Variants in PRDM6 observed in about 807,000 individuals in gnomAD.
The protein encoded by PRDM6 is putative histone-lysine N-methyltransferase PRDM6.
In PRDM6, 25 loss-of-function variants were observed where a neutral mutation model predicts 60.8. The observed-to-expected ratio is 0.41, with a 90% CI of 0.30 to 0.57. The LOEUF is 0.57. Ranked by LOEUF, PRDM6 falls within the 20% of genes least tolerant of loss-of-function variation. PRDM6 has a pLI of 0.27. For synonymous variants in PRDM6, 407 were observed against 357.4 expected (o/e 1.14, Z -1.57); for missense variants, 839 against 821.3 (o/e 1.02, Z -0.26).
At chr5:123,131,111 CAT>C (rs901587931) in intron 3 of PRDM6, among the ~76,000 whole-genome samples, 5 of 152,096 alleles carry the variant, frequency 3.3e-5, no homozygotes, top group Admixed American at 2.0e-4. Flanking sequence ...TGTTCTCACT[CAT>C]ATGTGGGAGC....
chr5:123,177,660 T>C (rs1396323199), intron 6 of PRDM6, among the ~76,000 whole-genome samples: 1 of 152,182 alleles, frequency 6.6e-6, no homozygotes, highest in Non-Finnish European at 1.5e-5. Context: ...AGCTGACTTG[T>C]AGACATGATG....
At chr5:123,181,855 C>G (rs1053297739) in intron 7 of PRDM6, among the ~76,000 whole-genome samples, 1 of 152,200 alleles carries the variant, frequency 6.6e-6, no homozygotes, top group Admixed American at 6.5e-5. Context: ...CTGCCTTCCT[C>G]TCTGTCTGCC....
chr5:123,135,323 A>C (rs1046234950), intron 3 of PRDM6, among the ~76,000 whole-genome samples: 13 of 152,224 alleles, frequency 8.5e-5, no homozygotes. Context: ...AAGTAGTGGA[A>C]AATCTTTAAG....
Position 123,090,031 on chromosome 5 carries a change from AC to A in PRDM6, c.21del (p.Gly8AlafsTer37). The A allele has an allele frequency of 6.5e-7, 1 of 1,546,900 alleles. No individual in the cohort carries two copies. The highest frequency in any genetic ancestry group is 1.2e-5 in the South Asian group (1 of 83,988). On this transcript the variant is annotated frameshift_variant, in exon 2 of 8. Transcript: ENST00000407847. LOFTEE classifies it high-confidence loss of function. MLKPG[D>X]PGGSAFLKVD... is the part of the protein sequence containing the mutation. ...GCGCCGGACATGCTGAAGCCCGGAG[AC>A]CCCGGCGGTTCGGCCTTCCTCAAAG...
chr5:123,165,965 T>A (rs1369013193), intron 5 of PRDM6, among the ~76,000 whole-genome samples: 1 of 152,148 alleles, frequency 6.6e-6, no homozygotes, highest in Non-Finnish European at 1.5e-5. Context: ...CCAGAAACAT[T>A]TTCTATGGCC....
chr5:123,175,041 G>T (rs1765973708), intron 6 of PRDM6, among the ~76,000 whole-genome samples: 1 of 145,482 alleles, frequency 6.9e-6, no homozygotes, highest in Non-Finnish European at 1.5e-5. Flanking sequence ...TAAGCTTATT[G>T]CCTAGGCCAA....
rs532222399 is a variant in PRDM6 at position 123,192,808 on chromosome 5, T to C, written c.*5607T>C. 1 of 152,328 alleles carries C rather than the reference T, an allele frequency of 6.6e-6. No individual in the cohort carries two copies. Among genetic ancestry groups the C allele is most frequent in the South Asian group, 2.1e-4 (1 of 4,824 alleles). The allele number at this position is 152,328 out of a possible 1,614,324, so 9.4% of individuals were successfully genotyped here. ...CTGACTGAATGCTAAGTGAGTTACT[T>C]TCCAGGCATCAATGGAGTCATTACG... is the stretch of plus-strand genomic sequence containing the variant. On this transcript the variant is annotated 3_prime_UTR_variant, in exon 8 of 8. Transcript: ENST00000407847.
At chr5:123,138,394 A>G (rs1765017526) in intron 3 of PRDM6, among the ~76,000 whole-genome samples, 1 of 152,270 alleles carries the variant, frequency 6.6e-6, no homozygotes, top group Non-Finnish European at 1.5e-5. Flanking sequence ...ATCTAATCAC[A>G]TGCATATGAG....
rs1194276844 is a variant in PRDM6, at chr5:123,190,155, C to G, written c.*2954C>G. 1 of 152,104 alleles carries G rather than the reference C, an allele frequency of 6.6e-6. No homozygotes were observed. Among genetic ancestry groups the G allele is most frequent in the East Asian group, 1.9e-4 (1 of 5,192 alleles). The allele number at this position is 152,104 out of a possible 1,614,324, so 9.4% of individuals were successfully genotyped here. ...TCAGGGTTTGGCTCTTGAAGCAATC[C>G]TTCTTTACTCTTTTCTTTCAATGGG... is the stretch of plus-strand genomic sequence containing the variant. On this transcript the variant is annotated 3_prime_UTR_variant, in exon 8 of 8. Coordinates refer to ENST00000407847, the MANE Select transcript of PRDM6 (RefSeq NM_001136239.4).
chr5:123,097,215 CTTACT>C (rs1191104560), intron 2 of PRDM6, among the ~76,000 whole-genome samples: 3 of 152,236 alleles, frequency 2.0e-5, no homozygotes, highest in Admixed American at 1.3e-4. Context: ...TATCCAATCT[CTTACT>C]TTAATGTCCG....
intron 2 of PRDM6, among the ~76,000 whole-genome samples, chr5:123,095,002 C>G (rs180726734): frequency 6.6e-5 from 10 of 152,362 alleles, no homozygotes; most frequent in Admixed American, 4.6e-4. Flanking sequence ...TTTTGCGATT[C>G]GCGGGGAGCT....
chr5:123,178,045 G>A (rs181325427), intron 6 of PRDM6, among the ~76,000 whole-genome samples: 18 of 152,092 alleles, frequency 1.2e-4, no homozygotes, highest in African/African-American at 2.2e-4. Context: ...TTCCATTGGC[G>A]TTACTTTGAT....
chr5:123,103,377 G>A (rs951149512), intron 3 of PRDM6, among the ~76,000 whole-genome samples: 2 of 151,922 alleles, frequency 1.3e-5, no homozygotes, highest in Admixed American at 1.3e-4. Context: ...ACATTACAAG[G>A]TGCATCAGAC....
chr5:123,187,382 G>T lies in PRDM6; in HGVS notation c.*181G>T. ...CTGGCATGGAAGTCAGACCAGGAAA[G>T]AGATTATTTATTTATGACTTAGGGA... On this transcript the variant is annotated 3_prime_UTR_variant, in exon 8 of 8. Transcript: ENST00000407847. The T allele has an allele frequency of 1.0e-5, 5 of 481,062 alleles. No homozygotes were observed. The South Asian group carries it at 1.2e-4, about 11-fold the overall frequency. 29.8% of individuals were successfully genotyped at this position (481,062 alleles called of 1,614,324 possible).
intron 3 of PRDM6, among the ~76,000 whole-genome samples, chr5:123,118,992 T>C (rs1764518686): frequency 6.6e-6 from 1 of 151,902 alleles, no homozygotes; most frequent in Non-Finnish European, 1.5e-5. Context: ...TGGCACTGAG[T>C]TGTGTTCAAA....
chr5:123,147,648 A>G (rs141889100), intron 3 of PRDM6, among the ~76,000 whole-genome samples: 46 of 152,350 alleles, frequency 3.0e-4, no homozygotes, highest in African/African-American at 1.1e-3. Context: ...CCAGTCAGAC[A>G]TCAGCTGGCT....
chr5:123,126,426 T>C (rs1764697479), intron 3 of PRDM6, among the ~76,000 whole-genome samples: 1 of 151,566 alleles, frequency 6.6e-6, no homozygotes, highest in African/African-American at 2.4e-5. Flanking sequence ...ATATAGCATC[T>C]CCTTAATAAC....
intron 3 of PRDM6, among the ~76,000 whole-genome samples, chr5:123,101,057 TG>T (rs1764091950): frequency 6.6e-6 from 1 of 152,222 alleles, no homozygotes; most frequent in Non-Finnish European, 1.5e-5. Context: ...TGCAAGAGAT[TG>T]CCTCTCATAC....
chr5:123,123,319 G>C (rs1339754716), intron 3 of PRDM6, among the ~76,000 whole-genome samples: 1 of 152,014 alleles, frequency 6.6e-6, no homozygotes, highest in Non-Finnish European at 1.5e-5. Flanking sequence ...TTTGACTCTT[G>C]AGTGTTTGGA....
Sources: allele counts gnomAD v4.1 joint callset (sites outside exome capture counted in the v4.1 genomes callset), GRCh38; gene constraint gnomAD v4.1.1; transcripts MANE v1.5; gene names NCBI Gene and HGNC (gene_info 2026-07-23, HGNC 2026-07-21).